SAMD13: variants seen among roughly 807,000 people sequenced by gnomAD.
SAMD13 encodes sterile alpha motif domain-containing protein 13.
In SAMD13, 9 loss-of-function variants were observed where a neutral mutation model predicts 12.4. The ratio of observed to expected loss-of-function variants is 0.72; its 90% CI spans 0.44 to 1.26. The LOEUF (loss-of-function observed/expected upper bound fraction) is 1.26. Ranked by LOEUF, SAMD13 falls within the 50% of genes most tolerant of loss-of-function variation. SAMD13 has a pLI of 0.00. For missense variants in SAMD13, 84 were observed against 119.6 expected, an observed-to-expected ratio of 0.70 and a Z score of 1.39; for synonymous variants, 46 against 45.4, an observed-to-expected ratio of 1.01 and a Z score of -0.05.
At chr1:84,334,949 G>T (rs761335120) in intron 3 of SAMD13, among the ~76,000 whole-genome samples, 2 of 151,982 alleles carry the variant, frequency 1.3e-5, no homozygotes, top group Non-Finnish European at 2.9e-5. Context: ...AATTTTCTGA[G>T]AATTGTTTTA....
intron 2 of SAMD13, among the ~76,000 whole-genome samples, chr1:84,311,922 G>A (rs1290956434): frequency 6.6e-6 from 1 of 152,152 alleles, no homozygotes; most frequent in Non-Finnish European, 1.5e-5. Context: ...TGATTAGGCA[G>A]TATCTTTATG....
intron 1 of SAMD13, among the ~76,000 whole-genome samples, chr1:84,302,408 G>A (rs557553744): frequency 7.2e-6 from 1 of 138,016 alleles, no homozygotes; most frequent in African/African-American, 2.7e-5. Flanking sequence ...CATATTAATT[G>A]TGGAAGGCTT....
intron 3 of SAMD13, among the ~76,000 whole-genome samples, chr1:84,348,283 A>T (rs315525): frequency 0.91 from 137,950 of 152,208 alleles, 62,589 homozygotes; most frequent in Middle Eastern, 0.94. Flanking sequence ...CCTGCTGCTA[A>T]TTCTCCCACA....
intron 2 of SAMD13, among the ~76,000 whole-genome samples, chr1:84,308,245 A>AATTT (rs1678627789): frequency 6.6e-6 from 1 of 152,138 alleles, no homozygotes; most frequent in African/African-American, 2.4e-5. Flanking sequence ...AGTTCCATTT[A>AATTT]ATTTATATAG....
At chr1:84,325,277 G>C (rs1679032803) in intron 2 of SAMD13, among the ~76,000 whole-genome samples, 1 of 152,086 alleles carries the variant, frequency 6.6e-6, no homozygotes, top group Non-Finnish European at 1.5e-5. Context: ...ATTGTGGAAG[G>C]GCTTTATCCC....
At chr1:84,308,056 G>A (rs554905477) in intron 2 of SAMD13, among the ~76,000 whole-genome samples, 1 of 152,300 alleles carries the variant, frequency 6.6e-6, no homozygotes, top group African/African-American at 2.4e-5. Flanking sequence ...CCTTTGCACA[G>A]CCTAAAAGCC....
At chr1:84,323,733 A>G (rs72942067) in intron 2 of SAMD13, among the ~76,000 whole-genome samples, 12,239 of 152,114 alleles carry the variant, frequency 0.08, 1,343 homozygotes, top group African/African-American at 0.25. Context: ...AAATCTAGCC[A>G]ATTTTGTTTC....
chr1:84,348,373 G>A (rs1679577365), intron 3 of SAMD13, among the ~76,000 whole-genome samples: 1 of 152,154 alleles, frequency 6.6e-6, no homozygotes, highest in Non-Finnish European at 1.5e-5. Flanking sequence ...CCCTGGGGAT[G>A]GTGTGGGAGG....
intron 3 of SAMD13, among the ~76,000 whole-genome samples, chr1:84,347,385 T>C (rs902403824): frequency 1.3e-5 from 2 of 152,242 alleles, no homozygotes; most frequent in Non-Finnish European, 2.9e-5. Context: ...GATTGGAGCA[T>C]GAAACATGAT....
intron 3 of SAMD13, among the ~76,000 whole-genome samples, chr1:84,332,496 T>C (rs889376038): frequency 6.6e-6 from 1 of 152,236 alleles, no homozygotes; most frequent in Non-Finnish European, 1.5e-5. Flanking sequence ...ATGTTGAGCA[T>C]TTTTTCATAT....
chr1:84,303,281 T>A lies in SAMD13; in HGVS notation c.47T>A (p.Val16Glu), dbSNP rs759367247. 6.2e-7 allele frequency: 1 copy of A among 1,612,200 alleles called. No individual in the cohort carries two copies. The highest frequency in any genetic ancestry group is 8.5e-7 in the Non-Finnish European group (1 of 1,178,522). Reference sequence around the variant, plus strand: ...AACAAGGAAAATGGCTCTGTCGGTGTAAAAAAGTAAGTGAAGCTGGCTTCT... The same window carrying A: ...AACAAGGAAAATGGCTCTGTCGGTGAAAAAAAGTAAGTGAAGCTGGCTTCT... ...MENKENGSVGVKNSMENGRPP... is the reference protein window; with the variant it reads ...MENKENGSVGEKNSMENGRPP... Residue 16 changes from valine to glutamate, a missense_variant, in exon 2 of 4, where the codon GTA (valine) becomes GAA (glutamate). Coordinates refer to ENST00000394834, the MANE Select transcript of SAMD13 (RefSeq NM_001134663.2).
At chr1:84,341,480 G>T (rs535441012) in intron 3 of SAMD13, among the ~76,000 whole-genome samples, 2 of 152,270 alleles carry the variant, frequency 1.3e-5, no homozygotes, top group South Asian at 4.2e-4. Context: ...CATCTTCATG[G>T]TTCCTTGATT....
At chr1:84,337,112 T>C (rs754802298) in intron 3 of SAMD13, among the ~76,000 whole-genome samples, 6 of 152,286 alleles carry the variant, frequency 3.9e-5, no homozygotes, top group Middle Eastern at 3.4e-3. Flanking sequence ...GCTGCTTTCA[T>C]GGGCTGGTAT....
intron 3 of SAMD13, among the ~76,000 whole-genome samples, chr1:84,333,322 C>A (rs909841077): frequency 6.6e-6 from 1 of 151,922 alleles, no homozygotes; most frequent in African/African-American, 2.4e-5. Flanking sequence ...TTAATGATAT[C>A]GATTATTTTT....
At chr1:84,313,438 T>C (rs1215996921) in intron 2 of SAMD13, among the ~76,000 whole-genome samples, 3 of 152,204 alleles carry the variant, frequency 2.0e-5, no homozygotes, top group Non-Finnish European at 4.4e-5. Context: ...ATTTAAGATG[T>C]ATGTGCATAT....
At chr1:84,343,014 A>G (rs1406540816) in intron 3 of SAMD13, among the ~76,000 whole-genome samples, 1 of 152,206 alleles carries the variant, frequency 6.6e-6, no homozygotes, top group Non-Finnish European at 1.5e-5. Flanking sequence ...TTACAAGAAA[A>G]AAACAAACAA....
At chr1:84,343,755 G>T (rs537446742) in intron 3 of SAMD13, among the ~76,000 whole-genome samples, 128 of 152,184 alleles carry the variant, frequency 8.4e-4, no homozygotes, top group African/African-American at 3.1e-3. Context: ...AATGCATGCT[G>T]GGCTTAATAC....
At chr1:84,345,509 C>T (rs1214100922) in intron 3 of SAMD13, among the ~76,000 whole-genome samples, 1 of 152,210 alleles carries the variant, frequency 6.6e-6, no homozygotes, top group Admixed American at 6.5e-5. Flanking sequence ...CTAAATTGAG[C>T]CTTCTTTCCC....
Position 84,349,675 on chromosome 1 carries a change from G to C in SAMD13, c.210G>C (p.Val70=). 6.2e-7 allele frequency: 1 copy of C among 1,613,902 alleles called. No homozygotes were observed. Among genetic ancestry groups the C allele is most frequent in the Non-Finnish European group, 8.5e-7 (1 of 1,179,866 alleles). The change falls in exon 4 of 4, where the codon GTG becomes GTC. Residue 70 remains valine (V), a synonymous_variant. Coordinates refer to ENST00000394834, the MANE Select transcript of SAMD13 (RefSeq NM_001134663.2). The part of the protein sequence containing the change: ...KSLLLMTRND[V]LTGLQLKLGP... Reference sequence around the variant, plus strand: ...TGCTATTGATGACAAGAAATGATGTGTTGACAGGACTTCAGTTAAAATTGG... The same window carrying C: ...TGCTATTGATGACAAGAAATGATGTCTTGACAGGACTTCAGTTAAAATTGG...
Sources: allele counts gnomAD v4.1 joint callset (sites outside exome capture counted in the v4.1 genomes callset), GRCh38; gene constraint gnomAD v4.1.1; transcripts MANE v1.5; gene names NCBI Gene and HGNC (gene_info 2026-07-23, HGNC 2026-07-21).